ALK: variants seen among roughly 807,000 people sequenced by gnomAD.
The protein encoded by ALK is ALK receptor tyrosine kinase.
ALK carries 74 observed loss-of-function variants against 163.1 expected under a neutral mutation model. That is an observed-to-expected ratio of 0.45 (90% CI 0.38 to 0.55). The LOEUF (loss-of-function observed/expected upper bound fraction) is 0.55. ALK is among the 20% of genes least tolerant of loss of function. The pLI, the probability that ALK is intolerant of heterozygous loss-of-function variation, is 0.00. For synonymous variants in ALK, 960 were observed against 843.2 expected, an observed-to-expected ratio of 1.14 and a Z score of -2.40; for missense variants, 2,063 against 2,105.3, an observed-to-expected ratio of 0.98 and a Z score of 0.39.
At chr2:29,377,720 C>T (rs932491060) in intron 5 of ALK, among the ~76,000 whole-genome samples, 7 of 152,096 alleles carry the variant, frequency 4.6e-5, no homozygotes, top group African/African-American at 1.2e-4. Context: ...ATTTTAGCCC[C>T]GGAGAAGTTA....
At chr2:29,534,380 C>T (rs780459737) in intron 3 of ALK, among the ~76,000 whole-genome samples, 26 of 152,216 alleles carry the variant, frequency 1.7e-4, no homozygotes, top group Admixed American at 7.9e-4. Flanking sequence ...GTTTCCAGTA[C>T]TAGGGTAGTG....
At chr2:29,745,124 A>G (rs899589575) in intron 1 of ALK, among the ~76,000 whole-genome samples, 1 of 152,170 alleles carries the variant, frequency 6.6e-6, no homozygotes, top group Admixed American at 6.5e-5. Context: ...TGCCTACCAT[A>G]TACTAGGCAC....
At chr2:29,471,990 A>G (rs1391095780) in intron 4 of ALK, among the ~76,000 whole-genome samples, 1 of 152,080 alleles carries the variant, frequency 6.6e-6, no homozygotes, top group Non-Finnish European at 1.5e-5. Context: ...TGATCCACCC[A>G]CCGTGGCCTC....
intron 1 of ALK, among the ~76,000 whole-genome samples, chr2:29,734,990 T>C (rs542310611): frequency 3.3e-5 from 5 of 152,338 alleles, no homozygotes; most frequent in Admixed American, 3.3e-4. Context: ...ACAATGAGTA[T>C]GTGTAAATTG....
At chr2:29,292,152 C>T (rs377567294) in intron 9 of ALK, among the ~76,000 whole-genome samples, 14 of 152,328 alleles carry the variant, frequency 9.2e-5, no homozygotes, top group South Asian at 4.1e-4. Flanking sequence ...ATGTAGTGTA[C>T]GGCTAAAAGC....
intron 3 of ALK, among the ~76,000 whole-genome samples, chr2:29,651,314 C>G (rs1289547270): frequency 1.3e-5 from 2 of 152,118 alleles, no homozygotes; most frequent in East Asian, 1.9e-4. Flanking sequence ...ATTTAAAGAG[C>G]TAGTTAAGTA....
intron 4 of ALK, among the ~76,000 whole-genome samples, chr2:29,453,395 A>G (rs62131805): frequency 6.6e-6 from 1 of 151,124 alleles, no homozygotes; most frequent in Admixed American, 6.6e-5. Context: ...CATGCCTGGC[A>G]ATTTTTTTTT....
intron 1 of ALK, among the ~76,000 whole-genome samples, chr2:29,827,086 A>G (rs538484941): frequency 1.3e-5 from 2 of 152,360 alleles, no homozygotes; most frequent in South Asian, 4.1e-4. Context: ...ACCAATGATC[A>G]TAAGACATTT....
chr2:29,787,952 G>A (rs1664085592), intron 1 of ALK, among the ~76,000 whole-genome samples: 1 of 152,196 alleles, frequency 6.6e-6, no homozygotes, highest in Non-Finnish European at 1.5e-5. Flanking sequence ...GGAAATATTG[G>A]TTAGGTGTGG....
At chr2:29,219,448 T>A (rs1055238542) in intron 23 of ALK, among the ~76,000 whole-genome samples, 3 of 152,324 alleles carry the variant, frequency 2.0e-5, no homozygotes, top group Admixed American at 2.0e-4. Context: ...GTGGTCAGGT[T>A]GGGCTTTCTG....
intron 4 of ALK, among the ~76,000 whole-genome samples, chr2:29,519,507 T>C (rs1256920516): frequency 1.3e-5 from 2 of 152,214 alleles, no homozygotes; most frequent in Admixed American, 1.3e-4. Flanking sequence ...AGTTTTTATT[T>C]CCATCTGATT....
chr2:29,393,187 A>G (rs560523584), intron 4 of ALK, among the ~76,000 whole-genome samples: 2 of 152,160 alleles, frequency 1.3e-5, no homozygotes, highest in East Asian at 3.9e-4. Flanking sequence ...GGAACATGAT[A>G]CCCAAAAGTA....
chr2:29,380,017 T>C (rs975732123), intron 5 of ALK, among the ~76,000 whole-genome samples: 2 of 152,030 alleles, frequency 1.3e-5, no homozygotes, highest in East Asian at 1.9e-4. Context: ...TTAGGAAACT[T>C]GCAATCATGG....
chr2:29,904,606 C>T (rs72857511), intron 1 of ALK, among the ~76,000 whole-genome samples: 5,369 of 152,120 alleles, frequency 0.035, 290 homozygotes, highest in African/African-American at 0.11. Context: ...TAAAATTTAC[C>T]TCATTTACTC....
chr2:29,267,770 T>A (rs2148209852), intron 11 of ALK, among the ~76,000 whole-genome samples: 1 of 152,302 alleles, frequency 6.6e-6, no homozygotes, highest in East Asian at 1.9e-4. Context: ...ACTGAAGCTT[T>A]GCTGCAACAA....
At chr2:29,729,624 C>T (rs1433986556) in intron 1 of ALK, among the ~76,000 whole-genome samples, 1 of 152,146 alleles carries the variant, frequency 6.6e-6, no homozygotes, top group African/African-American at 2.4e-5. Flanking sequence ...CAATGGCCCA[C>T]ATTGCAGCCT....
At chr2:29,613,902 A>G (rs1174383392) in intron 3 of ALK, among the ~76,000 whole-genome samples, 3 of 152,112 alleles carry the variant, frequency 2.0e-5, no homozygotes, top group African/African-American at 7.2e-5. Context: ...CACTCCCAGC[A>G]AGTCAGGAAA....
At chr2:29,500,258 G>T (rs1182140767) in intron 4 of ALK, among the ~76,000 whole-genome samples, 1 of 152,142 alleles carries the variant, frequency 6.6e-6, no homozygotes, top group African/African-American at 2.4e-5. Context: ...CCATCCCCTC[G>T]GTACTGTTCT....
chr2:29,863,011 G>A (rs1558523658), intron 1 of ALK, among the ~76,000 whole-genome samples: 1 of 152,152 alleles, frequency 6.6e-6, no homozygotes. Context: ...CATACAATGA[G>A]GAAAAGGATA....
Sources: gnomAD v4.1 joint callset for allele counts (sites outside exome capture counted in the v4.1 genomes callset) on GRCh38, gnomAD v4.1.1 for gene constraint, MANE v1.5 for transcripts, NCBI Gene and HGNC (gene_info 2026-07-23, HGNC 2026-07-21) for gene names.